NIPSNAP3A: variants seen among roughly 807,000 people sequenced by gnomAD.
The protein encoded by NIPSNAP3A is protein NipSnap homolog 3A.
Under a neutral mutation model 32.3 loss-of-function variants are expected in NIPSNAP3A, and 27 were observed. The observed-to-expected ratio is 0.84, with a 90% CI of 0.62 to 1.15. The LOEUF is 1.15. NIPSNAP3A is among the 50% of genes most tolerant of loss of function. NIPSNAP3A has a pLI of 0.00. For missense variants in NIPSNAP3A, 278 were observed against 297.2 expected (o/e 0.94, Z 0.48); for synonymous variants, 108 against 107.3 (o/e 1.01, Z -0.04).
intron 4 of NIPSNAP3A, 114 bp from the exon 5 acceptor site, chr9:104,758,971 C>CAAA (rs34457398): frequency 9.0e-4 from 361 of 401,988 alleles, no homozygotes; most frequent in South Asian, 1.4e-3. Flanking sequence ...ACTCTTGTTT[C>CAAA]AAAAAAAAAA....
intron 1 of NIPSNAP3A, among the ~76,000 whole-genome samples, chr9:104,748,223 C>T (rs1318743828): frequency 6.6e-6 from 1 of 152,214 alleles, no homozygotes; most frequent in Non-Finnish European, 1.5e-5. Context: ...TGTCACCTGG[C>T]GCTGTGGAGC....
chr9:104,747,904 G>A (rs766130443), intron 1 of NIPSNAP3A, 52 bp downstream of exon 1: 4 of 1,503,204 alleles, frequency 2.7e-6, no homozygotes, highest in Non-Finnish European at 2.7e-6. Context: ...GGGAGGGGCG[G>A]GGCGGGGAGT....
chr9:104,752,811 C>T (rs1827861323), intron 2 of NIPSNAP3A, 95 bp from the exon 3 acceptor site: 9 of 996,752 alleles, frequency 9.0e-6, no homozygotes, highest in Non-Finnish European at 1.2e-5. Context: ...TCTTATATGG[C>T]ATCAATGACC....
intron 4 of NIPSNAP3A, among the ~76,000 whole-genome samples, chr9:104,755,906 T>G (rs1827901010): frequency 6.6e-6 from 1 of 151,484 alleles, no homozygotes; most frequent in Non-Finnish European, 1.5e-5. Flanking sequence ...AACGACATAG[T>G]GAGACCCTGT....
chr9:104,751,048 G>A lies in NIPSNAP3A; in HGVS notation c.153G>A (p.Glu51=). 1 of 1,613,952 alleles carries A rather than the reference G, an allele frequency of 6.2e-7. No individual in the cohort carries two copies. Among genetic ancestry groups the A allele is most frequent in the East Asian group, 2.2e-5 (1 of 44,858 alleles). The change falls in exon 2 of 6, where the codon GAG becomes GAA. Residue 51 remains glutamate (E), a synonymous_variant. Transcript: ENST00000374767. ...SYYLKPSKMN[E]FLENFEKNAH... ...ACCTTAAGCCCTCAAAGATGAATGA[G>A]TTCCTGGAAAATTTTGAGAAAAACG...
In NIPSNAP3A at chr9:104,747,845, C is replaced by T. The variant is rs1827793622; in HGVS notation, c.53C>T (p.Ala18Val). 2 of 1,607,770 alleles carry T rather than the reference C, an allele frequency of 1.2e-6. No individual in the cohort carries two copies. The highest frequency in any genetic ancestry group is 2.7e-5 in the African/African-American group (2 of 74,794). ...CGGGCGCTGGCCTCACGGACGCTGG[C>T]GCCTCAGGTACCGGCCACGGGGGTA... ...LTRALASRTL[A>V]PQMCSSFATG... is the part of the protein sequence containing the mutation. Residue 18 changes from alanine (A) to valine (V), a missense_variant, in exon 1 of 6, where the codon GCG becomes GTG. Physicochemically the swap from Ala to Val is moderately conservative, Grantham distance 64 (BLOSUM62 0). Transcript: ENST00000374767.
At chr9:104,747,998 C>CCCCGGAACCCAAAGACAGGGGTA in intron 1 of NIPSNAP3A, 146 bp downstream of exon 1, 1 of 684,356 alleles carries the variant, frequency 1.5e-6, no homozygotes, top group Non-Finnish European at 2.4e-6. Flanking sequence ...CTAGCGTGAG[C>CCCCGGAACCCAAAGACAGGGGTA]CCCGGAACCC....
rs769771990 is a variant in NIPSNAP3A, at chr9:104,752,903, C to G, written c.272-3C>G. The stretch of plus-strand genomic sequence containing the variant: ...ATTTTTCTTAATTCTTTTCTTCCCA[C>G]AGATAATTTTGCTCATCGAACTGAA... On this transcript the variant is annotated splice_polypyrimidine_tract_variant and splice_region_variant and intron_variant, in intron 2 of 5. Coordinates refer to ENST00000374767, the MANE Select transcript of NIPSNAP3A (RefSeq NM_015469.3). The G allele has an allele frequency of 1.9e-6, 3 of 1,610,352 alleles. No homozygotes were observed. In the African/African-American group the frequency reaches 4.0e-5, roughly 21 times the overall value.
At position 104,759,860 on chromosome 9, in the gene NIPSNAP3A, G is replaced by A. The variant is rs1399254622; in HGVS notation, c.*522G>A. The stretch of plus-strand genomic sequence containing the variant: ...ACTATGGAAAACCACATTGTCATTT[G>A]TGACATCATCTATATTAAATATGGT... On this transcript the variant is annotated 3_prime_UTR_variant, in exon 6 of 6. Coordinates refer to ENST00000374767, the MANE Select transcript of NIPSNAP3A (RefSeq NM_015469.3). 1 of 154,268 alleles carries A rather than the reference G, an allele frequency of 6.5e-6. No individual in the cohort carries two copies. Among genetic ancestry groups the A allele is most frequent in the African/African-American group, 2.4e-5 (1 of 41,396 alleles). 9.6% of individuals were successfully genotyped at this position (154,268 alleles called of 1,614,324 possible).
Position 104,751,092 on chromosome 9 carries a change from A to T in NIPSNAP3A, c.197A>T (p.His66Leu). Residue 66 changes from histidine to leucine, a missense_variant, in exon 2 of 6, where the codon CAC becomes CTC. His to Leu is a moderately conservative substitution (Grantham distance 99). Coordinates refer to ENST00000374767, the MANE Select transcript of NIPSNAP3A (RefSeq NM_015469.3). ...FEKNAHLRTA[H>L]SELVGYWSVE... The stretch of plus-strand genomic sequence containing the variant: ...AAAAACGCTCATCTTCGGACAGCTC[A>T]CTCTGAATTGGTTGGATACTGGAGT... 6.2e-7 allele frequency: 1 copy of T among 1,614,058 alleles called. No homozygotes were observed. Among genetic ancestry groups the T allele is most frequent in the Non-Finnish European group, 8.5e-7 (1 of 1,179,946 alleles).
At position 104,747,816 on chromosome 9, in the gene NIPSNAP3A, G is replaced by C. The variant is rs371149242; in HGVS notation, c.24G>C (p.Leu8=). 149 of 1,609,150 alleles carry C rather than the reference G, an allele frequency of 9.3e-5. 1 individual carries two copies. Among genetic ancestry groups the C allele is most frequent in the Middle Eastern group, 8.7e-4 (4 of 4,582 alleles). The change falls in exon 1 of 6, where the codon CTG becomes CTC. Residue 8 remains leucine, a synonymous_variant. Transcript: ENST00000374767. MLVLRSA[L]TRALASRTLA... The stretch of plus-strand genomic sequence containing the variant: ...CCATGCTCGTCCTCAGAAGCGCCCT[G>C]ACTCGGGCGCTGGCCTCACGGACGC...
At chr9:104,753,085 C>T in intron 3 of NIPSNAP3A, 21 bp downstream of exon 3, 11 of 1,602,042 alleles carry the variant, frequency 6.9e-6, no homozygotes, top group Non-Finnish European at 8.6e-6. Context: ...CCTTCTTAGT[C>T]ACTGAGTTTT....
intron 4 of NIPSNAP3A, among the ~76,000 whole-genome samples, chr9:104,757,342 T>A (rs1403193383): frequency 6.6e-6 from 1 of 152,186 alleles, no homozygotes; most frequent in Non-Finnish European, 1.5e-5. Flanking sequence ...AGATTCAGAC[T>A]GCCTGGGTTT....
intron 4 of NIPSNAP3A, among the ~76,000 whole-genome samples, chr9:104,757,326 A>G (rs894153029): frequency 6.6e-6 from 1 of 152,174 alleles, no homozygotes; most frequent in Non-Finnish European, 1.5e-5. Flanking sequence ...TATTAAGGAA[A>G]TAATCAGATT....
chr9:104,756,626 C>T (rs1176116540), intron 4 of NIPSNAP3A, among the ~76,000 whole-genome samples: 1 of 150,222 alleles, frequency 6.7e-6, no homozygotes, highest in East Asian at 1.9e-4. Context: ...TAATCTTCCC[C>T]CAAAATTTGA....
chr9:104,754,717 C>A lies in NIPSNAP3A; in HGVS notation c.580+17C>A. On this transcript the variant is annotated intron_variant, in intron 4 of 5. Coordinates refer to ENST00000374767, the MANE Select transcript of NIPSNAP3A (RefSeq NM_015469.3). ...TCAACAGAGGTACAATTGTCCATTTCTTCTTATATGAAATTGTAATATATA... is the reference window on the plus strand; with the variant it reads ...TCAACAGAGGTACAATTGTCCATTTATTCTTATATGAAATTGTAATATATA... 1 of 1,605,004 alleles carries A rather than the reference C, an allele frequency of 6.2e-7. No individual in the cohort carries two copies. Among genetic ancestry groups the A allele is most frequent in the Non-Finnish European group, 8.5e-7 (1 of 1,171,868 alleles).
intron 1 of NIPSNAP3A, 106 bp downstream of exon 1, chr9:104,747,958 C>T: frequency 1.7e-6 from 2 of 1,144,770 alleles, no homozygotes; most frequent in Admixed American, 2.5e-5. Flanking sequence ...CTCCGCCACG[C>T]GCGCCCAGAC....
Position 104,748,137 on chromosome 9 carries a change from C to T in NIPSNAP3A, c.60+285C>T, listed in dbSNP as rs565605789. 1.7e-4 allele frequency among the ~76,000 whole-genome samples: 26 copies of T among 152,338 alleles called. 1 individual carries two copies. The highest frequency in any genetic ancestry group is 1.7e-3 in the South Asian group (8 of 4,830). Reference sequence around the variant, plus strand: ...AGCCTGGATGCCACACCCACCGGGACACTCCCATGGCGCCGGCTGTTTCGT... The same window carrying T: ...AGCCTGGATGCCACACCCACCGGGATACTCCCATGGCGCCGGCTGTTTCGT... On this transcript the variant is annotated intron_variant, in intron 1 of 5. Coordinates refer to ENST00000374767, the MANE Select transcript of NIPSNAP3A (RefSeq NM_015469.3).
At chr9:104,752,816 A>G (rs1254668833) in intron 2 of NIPSNAP3A, 90 bp from the exon 3 acceptor site, 14 of 1,076,446 alleles carry the variant, frequency 1.3e-5, no homozygotes, top group Non-Finnish European at 1.8e-5. Context: ...TATGGCATCA[A>G]TGACCATTGC....
Sources: gnomAD v4.1 joint callset for allele counts (sites outside exome capture counted in the v4.1 genomes callset) on GRCh38, gnomAD v4.1.1 for gene constraint, MANE v1.5 for transcripts, NCBI Gene and HGNC (gene_info 2026-07-23, HGNC 2026-07-21) for gene names.